Variants in TAOK3 observed in about 807,000 individuals in gnomAD.
The protein encoded by TAOK3 is TAO kinase 3.
Under a neutral mutation model 120.4 loss-of-function variants are expected in TAOK3, and 40 were observed. The observed-to-expected ratio is 0.33, with a 90% CI of 0.26 to 0.43. TAOK3 has a LOEUF of 0.43. Ranked by LOEUF, TAOK3 falls within the 20% of genes least tolerant of loss-of-function variation. TAOK3 has a pLI of 1.00. For synonymous variants in TAOK3, 355 were observed against 387.5 expected (o/e 0.92, Z 0.99); for missense variants, 821 against 1,112.1 (o/e 0.74, Z 3.72).
chr12:118,358,537 T>C (rs1004960382), intron 1 of TAOK3, among the ~76,000 whole-genome samples: 3 of 152,310 alleles, frequency 2.0e-5, no homozygotes, highest in African/African-American at 2.4e-5. Context: ...AATAATATCA[T>C]CCATTAGCAT....
rs148301370 is a variant in TAOK3, at chr12:118,262,879, A to G, written c.-89+3776T>C. Among the ~76,000 whole-genome samples, 364 of 152,158 alleles carry G rather than the reference A, an allele frequency of 2.4e-3. 3 individuals are homozygous for G. Among genetic ancestry groups the G allele is most frequent in the South Asian group, 0.022 (107 of 4,814 alleles). ...TAGGGATCAATGCGACAAAGGATAT[A>G]TAAGACCTGTACACTGAAAATGACA... is the stretch of plus-strand genomic sequence containing the variant. On this transcript the variant is annotated intron_variant, in intron 2 of 20. Transcript: ENST00000392533.
intron 1 of TAOK3, among the ~76,000 whole-genome samples, chr12:118,353,934 T>G (rs1021418044): frequency 2.6e-5 from 4 of 152,218 alleles, no homozygotes; most frequent in African/African-American, 9.6e-5. Flanking sequence ...GGGTGTCCCC[T>G]AAATTTCACA....
chr12:118,192,292 A>G (rs2037475187), intron 13 of TAOK3, among the ~76,000 whole-genome samples: 1 of 152,204 alleles, frequency 6.6e-6, no homozygotes, highest in African/African-American at 2.4e-5. Context: ...ACTCAAGTAT[A>G]TTTTTAAAAT....
chr12:118,292,973 G>A (rs2042540489), intron 1 of TAOK3, among the ~76,000 whole-genome samples: 2 of 152,098 alleles, frequency 1.3e-5, no homozygotes, highest in East Asian at 1.9e-4. Flanking sequence ...TTCTAATGTC[G>A]AAAGGACAAT....
chr12:118,237,489 C>T (rs936875180), intron 7 of TAOK3, among the ~76,000 whole-genome samples: 1 of 152,042 alleles, frequency 6.6e-6, no homozygotes, highest in African/African-American at 2.4e-5. Context: ...GAGAAAAGCC[C>T]TAGAATAGGA....
intron 1 of TAOK3, among the ~76,000 whole-genome samples, chr12:118,291,679 A>C (rs766444399): frequency 6.6e-6 from 1 of 152,150 alleles, no homozygotes; most frequent in African/African-American, 2.4e-5. Flanking sequence ...TTGTTCAATA[A>C]TCTGTTTTAA....
At chr12:118,353,926 G>A (rs1462786009) in intron 1 of TAOK3, among the ~76,000 whole-genome samples, 1 of 152,020 alleles carries the variant, frequency 6.6e-6, no homozygotes, top group Non-Finnish European at 1.5e-5. Flanking sequence ...TTGACTGCGG[G>A]TGTCCCCTAA....
intron 9 of TAOK3, among the ~76,000 whole-genome samples, chr12:118,220,899 T>C (rs1229239899): frequency 6.6e-6 from 1 of 152,236 alleles, no homozygotes; most frequent in African/African-American, 2.4e-5. Context: ...ATCTCATCTA[T>C]GTTCAAGTCT....
chr12:118,367,472 C>A (rs1398578430), intron 1 of TAOK3, among the ~76,000 whole-genome samples: 1 of 150,044 alleles, frequency 6.7e-6, no homozygotes, highest in Non-Finnish European at 1.5e-5. Context: ...CACATTTTGG[C>A]CCATAAATTC....
intron 16 of TAOK3, among the ~76,000 whole-genome samples, chr12:118,175,489 T>C (rs2036266699): frequency 2.6e-5 from 4 of 152,118 alleles, no homozygotes; most frequent in Admixed American, 2.6e-4. Flanking sequence ...TAGCTGGGCA[T>C]GGTGGTGCAC....
intron 16 of TAOK3, among the ~76,000 whole-genome samples, chr12:118,174,319 G>C: frequency 6.6e-6 from 1 of 150,860 alleles, no homozygotes; most frequent in East Asian, 1.9e-4. Context: ...TTCAGAAAAA[G>C]TAATATTAGC....
intron 1 of TAOK3, among the ~76,000 whole-genome samples, chr12:118,328,280 C>T (rs1052373196): frequency 7.2e-5 from 11 of 152,060 alleles, no homozygotes; most frequent in Non-Finnish European, 1.5e-4. Flanking sequence ...AGGCTGGTCT[C>T]GAACTCCTGA....
intron 1 of TAOK3, among the ~76,000 whole-genome samples, chr12:118,292,916 G>A (rs1343526692): frequency 6.6e-6 from 1 of 152,168 alleles, no homozygotes; most frequent in Non-Finnish European, 1.5e-5. Context: ...TTTTGGGGAT[G>A]CCTTTATACC....
intron 9 of TAOK3, among the ~76,000 whole-genome samples, chr12:118,224,834 C>G (rs1212219559): frequency 6.6e-6 from 1 of 151,992 alleles, no homozygotes; most frequent in Non-Finnish European, 1.5e-5. Flanking sequence ...AAAATATATA[C>G]TATTATAGAA....
In TAOK3 at chr12:118,363,755, T is replaced by TGTGA. The variant is rs777468830; in HGVS notation, c.-194+8892_-194+8893insTCAC. On this transcript the variant is annotated intron_variant, in intron 1 of 20. Transcript: ENST00000392533. ...GTGTGTGTGTGTGTGTGTGTGTGTG[T>TGTGA]GAGAGAGAGAGAGAGAGAGAGACAG... 2.8e-3 allele frequency among the ~76,000 whole-genome samples: 396 copies of TGTGA among 141,762 alleles called. 2 individuals carry two copies. Among genetic ancestry groups the TGTGA allele is most frequent in the African/African-American group, 8.9e-3 (349 of 39,082 alleles). The allele number at this position is 141,762 out of a possible 152,430, so 93.0% of individuals were successfully genotyped here.
chr12:118,243,277 A>C, intron 5 of TAOK3, 138 bp downstream of exon 5: 1 of 567,186 alleles, frequency 1.8e-6, no homozygotes. Context: ...CAAAGTATTA[A>C]CAAATGTTAA....
At position 118,239,522 on chromosome 12, in the gene TAOK3, T is replaced by A. The variant is rs113544856; in HGVS notation, c.295-250A>T. Among the ~76,000 whole-genome samples, 978 of 152,334 alleles carry A rather than the reference T, an allele frequency of 6.4e-3. 5 individuals carry two copies. Among genetic ancestry groups the A allele is most frequent in the African/African-American group, 0.022 (908 of 41,574 alleles). ...GGACTAGATATAGAAATATTCACTA[T>A]AAATGGTGAAGCCAAGATTGCCAAT... On this transcript the variant is annotated intron_variant, in intron 5 of 20. Coordinates refer to ENST00000392533, the MANE Select transcript of TAOK3 (RefSeq NM_016281.4).
chr12:118,199,291 G>T, intron 12 of TAOK3, 34 bp from the exon 13 acceptor site: 1 of 1,520,666 alleles, frequency 6.6e-7, no homozygotes, highest in South Asian at 1.1e-5. Flanking sequence ...TAGAAAAAAA[G>T]ACTGAAGATA....
At chr12:118,188,776 C>G (rs78816327) in intron 14 of TAOK3, among the ~76,000 whole-genome samples, 4,258 of 152,292 alleles carry the variant, frequency 0.028, 206 homozygotes, top group African/African-American at 0.096. Flanking sequence ...AATAGCCAAG[C>G]AGTGTACACT....
Sources: gnomAD v4.1 joint callset for allele counts (sites outside exome capture counted in the v4.1 genomes callset) on GRCh38, gnomAD v4.1.1 for gene constraint, MANE v1.5 for transcripts, NCBI Gene and HGNC (gene_info 2026-07-23, HGNC 2026-07-21) for gene names.